The following GALNT10 variants were observed in gnomAD, a reference collection of about 807,000 sequenced individuals.
GALNT10 encodes the protein GalNAc transferase 10.
A neutral mutation model predicts 75.0 loss-of-function variants in GALNT10; 41 were observed. The ratio of observed to expected loss-of-function variants is 0.55; its 90% CI spans 0.43 to 0.71. The LOEUF (loss-of-function observed/expected upper bound fraction) is 0.71. Ranked by LOEUF, GALNT10 falls within the 30% of genes least tolerant of loss-of-function variation. GALNT10 has a pLI of 0.00. For missense variants in GALNT10, 727 were observed against 818.5 expected (o/e 0.89, Z 1.36); for synonymous variants, 302 against 313.0 (o/e 0.96, Z 0.37).
chr5:154,241,337 G>A (rs769829963), intron 1 of GALNT10, among the ~76,000 whole-genome samples: 72 of 151,812 alleles, frequency 4.7e-4, no homozygotes, highest in Non-Finnish European at 6.9e-4. Context: ...AGAGGGGTGG[G>A]GTATAGAGGA....
At chr5:154,238,944 T>A (rs1477216378) in intron 1 of GALNT10, among the ~76,000 whole-genome samples, 1 of 152,182 alleles carries the variant, frequency 6.6e-6, no homozygotes, top group African/African-American at 2.4e-5. Flanking sequence ...TCTGTTATTT[T>A]CCTCCTTGTA....
At chr5:154,363,492 G>GGAA (rs1755422423) in intron 4 of GALNT10, among the ~76,000 whole-genome samples, 1 of 37,520 alleles carries the variant, frequency 2.7e-5, no homozygotes, top group Non-Finnish European at 5.4e-5. Flanking sequence ...GCGTTTATCT[G>GGAA]AAAAAAAAAA....
chr5:154,196,904 A>G (rs548973980), intron 1 of GALNT10, among the ~76,000 whole-genome samples: 474 of 152,308 alleles, frequency 3.1e-3, no homozygotes, highest in Non-Finnish European at 4.0e-3. Context: ...AAAGATATCT[A>G]GAGAAGAAGC....
chr5:154,231,480 G>A, intron 1 of GALNT10, among the ~76,000 whole-genome samples: 1 of 152,204 alleles, frequency 6.6e-6, no homozygotes, highest in Non-Finnish European at 1.5e-5. Context: ...GGTTATGAGA[G>A]GGTGGGAGAC....
intron 3 of GALNT10, among the ~76,000 whole-genome samples, chr5:154,302,988 A>G (rs904031147): frequency 6.6e-6 from 1 of 152,198 alleles, no homozygotes; most frequent in African/African-American, 2.4e-5. Flanking sequence ...GTTTAAGTCA[A>G]CCACATTTAT....
intron 1 of GALNT10, among the ~76,000 whole-genome samples, chr5:154,287,248 C>T (rs1385994211): frequency 1.3e-5 from 2 of 152,194 alleles, no homozygotes; most frequent in East Asian, 1.9e-4. Context: ...ATGTAAGGCC[C>T]TCCAATTCTG....
At chr5:154,348,375 G>A (rs568648483) in intron 4 of GALNT10, among the ~76,000 whole-genome samples, 68 of 152,196 alleles carry the variant, frequency 4.5e-4, no homozygotes, top group African/African-American at 1.0e-3. Context: ...CCTCCAAGTC[G>A]CGCTATTCAT....
At chr5:154,395,213 C>T (rs1755992282) in intron 7 of GALNT10, among the ~76,000 whole-genome samples, 1 of 152,212 alleles carries the variant, frequency 6.6e-6, no homozygotes, top group Admixed American at 6.5e-5. Context: ...TGGCCTAGAG[C>T]TAACCAAAGA....
chr5:154,312,574 A>G (rs1014300756), intron 3 of GALNT10, among the ~76,000 whole-genome samples: 1 of 152,216 alleles, frequency 6.6e-6, no homozygotes, highest in Admixed American at 6.5e-5. Flanking sequence ...ACATTTTAAG[A>G]TATTTCTAAT....
intron 4 of GALNT10, among the ~76,000 whole-genome samples, chr5:154,347,616 C>T (rs1422046955): frequency 1.3e-5 from 2 of 152,126 alleles, no homozygotes; most frequent in East Asian, 3.9e-4. Flanking sequence ...CCCGCCTCTG[C>T]CTCCCAAGGT....
intron 1 of GALNT10, among the ~76,000 whole-genome samples, chr5:154,215,268 G>A (rs1164048178): frequency 6.6e-6 from 1 of 152,062 alleles, no homozygotes; most frequent in African/African-American, 2.4e-5. Context: ...GGATCACGAA[G>A]TCAAGAGATT....
At chr5:154,394,935 C>T (rs915819981) in intron 7 of GALNT10, among the ~76,000 whole-genome samples, 11 of 152,194 alleles carry the variant, frequency 7.2e-5, no homozygotes, top group African/African-American at 2.4e-4. Context: ...TTGCAAGAGC[C>T]GTCTGCTAGA....
intron 1 of GALNT10, among the ~76,000 whole-genome samples, chr5:154,244,994 T>A (rs1435138128): frequency 3.3e-5 from 5 of 152,152 alleles, no homozygotes; most frequent in African/African-American, 4.8e-5. Flanking sequence ...TGTGGGTTCT[T>A]CCTTGGAGCT....
intron 1 of GALNT10, among the ~76,000 whole-genome samples, chr5:154,237,530 T>C (rs546657649): frequency 9.8e-5 from 15 of 152,352 alleles, no homozygotes; most frequent in African/African-American, 2.9e-4. Flanking sequence ...CTCGGCTATC[T>C]CTGTGAGACC....
At chr5:154,331,259 C>G (rs1754859641) in intron 4 of GALNT10, among the ~76,000 whole-genome samples, 1 of 152,058 alleles carries the variant, frequency 6.6e-6, no homozygotes, top group African/African-American at 2.4e-5. Context: ...TACTTCCACC[C>G]TGGAAGTACT....
chr5:154,243,502 A>G (rs995489571), intron 1 of GALNT10, among the ~76,000 whole-genome samples: 4 of 152,078 alleles, frequency 2.6e-5, no homozygotes, highest in Non-Finnish European at 5.9e-5. Flanking sequence ...TTAATAATGC[A>G]TAGTCCAGAA....
rs1491445463 is a variant in GALNT10, at chr5:154,219,838, T to TCTCTCACA, written c.159+28814_159+28815insTCTCACAC. ...CTCTCTCTCTCTCTCTCTCTCTCTC[T>TCTCTCACA]CACACACACACACACACACACACAC... On this transcript the variant is annotated intron_variant, in intron 1 of 11. Coordinates refer to ENST00000297107, the MANE Select transcript of GALNT10 (RefSeq NM_198321.4). Among the ~76,000 whole-genome samples, 865 of 125,654 alleles carry TCTCTCACA rather than the reference T, an allele frequency of 6.9e-3. 11 individuals are homozygous for TCTCTCACA. Among genetic ancestry groups the TCTCTCACA allele is most frequent in the African/African-American group, 0.024 (825 of 34,816 alleles). 82.4% of individuals were successfully genotyped at this position (125,654 alleles called of 152,430 possible).
At chr5:154,396,854 C>T (rs1425942751) in intron 7 of GALNT10, among the ~76,000 whole-genome samples, 10 of 152,100 alleles carry the variant, frequency 6.6e-5, no homozygotes, top group Non-Finnish European at 1.3e-4. Context: ...AGGCTGGGCG[C>T]GGTGGCTCAC....
intron 1 of GALNT10, among the ~76,000 whole-genome samples, chr5:154,282,024 A>T (rs2113055688): frequency 6.6e-6 from 1 of 152,336 alleles, no homozygotes; most frequent in African/African-American, 2.4e-5. Context: ...AAACTAGATA[A>T]TGTATAAAGA....
Sources: gnomAD v4.1 joint callset for allele counts (sites outside exome capture counted in the v4.1 genomes callset) on GRCh38, gnomAD v4.1.1 for gene constraint, MANE v1.5 for transcripts, NCBI Gene and HGNC (gene_info 2026-07-23, HGNC 2026-07-21) for gene names.